Variants in ANKS1B observed in about 807,000 individuals in gnomAD.
ANKS1B encodes the protein ankyrin repeat and sterile alpha motif domain-containing protein 1B.
ANKS1B carries 36 observed loss-of-function variants against 148.3 expected under a neutral mutation model. The ratio of observed to expected loss-of-function variants is 0.24; its 90% CI spans 0.19 to 0.32. The LOEUF is 0.32. Ranked by LOEUF, ANKS1B falls within the 10% of genes least tolerant of loss-of-function variation. The pLI, the probability that ANKS1B is intolerant of heterozygous loss-of-function variation, is 1.00. For missense variants in ANKS1B, 1,157 were observed against 1,542.6 expected (o/e 0.75, Z 4.19); for synonymous variants, 542 against 560.8 (o/e 0.97, Z 0.47).
At chr12:99,468,510 A>G (rs1263599545) in intron 10 of ANKS1B, among the ~76,000 whole-genome samples, 1 of 152,164 alleles carries the variant, frequency 6.6e-6, no homozygotes, top group Non-Finnish European at 1.5e-5. Context: ...GCAACCTAAA[A>G]AATGGAAGAA....
intron 1 of ANKS1B, among the ~76,000 whole-genome samples, chr12:99,837,570 C>T (rs1337257347): frequency 6.6e-6 from 1 of 152,114 alleles, no homozygotes; most frequent in Non-Finnish European, 1.5e-5. Flanking sequence ...TTCATAACAA[C>T]CATGTGAGAC....
chr12:99,155,285 A>T (rs1327584557), intron 14 of ANKS1B, among the ~76,000 whole-genome samples: 1 of 152,128 alleles, frequency 6.6e-6, no homozygotes, highest in Non-Finnish European at 1.5e-5. Context: ...GAGAATAATT[A>T]TTCTGTTTCT....
intron 14 of ANKS1B, among the ~76,000 whole-genome samples, chr12:99,187,276 C>G (rs2079994923): frequency 6.6e-6 from 1 of 151,822 alleles, no homozygotes; most frequent in Middle Eastern, 3.2e-3. Context: ...AGGATATTAT[C>G]CAGGAGAACT....
intron 12 of ANKS1B, among the ~76,000 whole-genome samples, chr12:99,338,993 T>C (rs1172637533): frequency 2.6e-5 from 4 of 152,104 alleles, no homozygotes; most frequent in Admixed American, 6.6e-5. Flanking sequence ...TTCACTGCCT[T>C]GGGCTGGGTG....
intron 1 of ANKS1B, among the ~76,000 whole-genome samples, chr12:99,948,513 T>C (rs2095131730): frequency 6.6e-6 from 1 of 152,238 alleles, no homozygotes; most frequent in South Asian, 2.1e-4. Flanking sequence ...TTCCTCCAGA[T>C]GGTTACATCT....
At chr12:99,497,770 G>T (rs1164566870) in intron 10 of ANKS1B, among the ~76,000 whole-genome samples, 1 of 150,196 alleles carries the variant, frequency 6.7e-6, no homozygotes, top group Non-Finnish European at 1.5e-5. Flanking sequence ...TAATATGGGG[G>T]GGACACAATT....
At chr12:99,708,969 T>C (rs2056237432) in intron 8 of ANKS1B, among the ~76,000 whole-genome samples, 1 of 152,094 alleles carries the variant, frequency 6.6e-6, no homozygotes, top group Non-Finnish European at 1.5e-5. Flanking sequence ...ATACAATAAA[T>C]GTAAATTAAT....
intron 14 of ANKS1B, among the ~76,000 whole-genome samples, chr12:99,160,726 G>T (rs564855599): frequency 6.6e-6 from 1 of 152,248 alleles, no homozygotes; most frequent in Non-Finnish European, 1.5e-5. Context: ...TATGGTCAAA[G>T]GTAGGGGTCC....
intron 1 of ANKS1B, among the ~76,000 whole-genome samples, chr12:99,868,258 G>C (rs1329134779): frequency 1.3e-5 from 2 of 152,150 alleles, no homozygotes; most frequent in African/African-American, 2.4e-5. Flanking sequence ...TTCTTTATCT[G>C]AATGCTTAAA....
intron 14 of ANKS1B, among the ~76,000 whole-genome samples, chr12:99,179,701 C>G (rs2078885725): frequency 6.6e-6 from 1 of 152,028 alleles, no homozygotes; most frequent in African/African-American, 2.4e-5. Context: ...TATGAATCTC[C>G]TTTCTCATCT....
chr12:99,713,161 T>C (rs1233039113), intron 8 of ANKS1B, among the ~76,000 whole-genome samples: 1 of 152,186 alleles, frequency 6.6e-6, no homozygotes, highest in East Asian at 1.9e-4. Flanking sequence ...TTTTTATTCC[T>C]GGCTCCTATT....
intron 16 of ANKS1B, chr12:99,083,824 C>G (rs2050677908): frequency 6.6e-6 from 1 of 152,092 alleles, no homozygotes; most frequent in Admixed American, 6.6e-5. Context: ...CTTTTCCCAT[C>G]CAAGTACTAA....
At chr12:99,061,296 T>G (rs866227924) in intron 16 of ANKS1B, among the ~76,000 whole-genome samples, 2 of 152,336 alleles carry the variant, frequency 1.3e-5, no homozygotes. Flanking sequence ...TCCTATAAGC[T>G]GGAACATCAG....
chr12:99,705,512 C>A (rs1190169835), intron 8 of ANKS1B, among the ~76,000 whole-genome samples: 1 of 152,100 alleles, frequency 6.6e-6, no homozygotes, highest in African/African-American at 2.4e-5. Context: ...CTTATAGTGA[C>A]AATGGCATCT....
intron 1 of ANKS1B, among the ~76,000 whole-genome samples, chr12:99,867,839 T>G (rs896955241): frequency 6.6e-6 from 1 of 152,192 alleles, no homozygotes; most frequent in African/African-American, 2.4e-5. Context: ...AGTATTAATA[T>G]CGCAGCCTCA....
intron 8 of ANKS1B, among the ~76,000 whole-genome samples, chr12:99,730,438 T>C (rs966820098): frequency 1.3e-5 from 2 of 152,164 alleles, no homozygotes; most frequent in African/African-American, 2.4e-5. Flanking sequence ...AGATGAACAG[T>C]AGCCTCCAAC....
rs533921098 is a variant in ANKS1B, at chr12:99,063,295, T to C, written c.2626-9986A>G. ...TATTCTGGCTCCTTGTTCTAGACTC[T>C]TCTGCTCTGTCCTGCTGCTACCCAA... On this transcript the variant is annotated intron_variant, in intron 16 of 26. Transcript: ENST00000683438. 6.6e-4 allele frequency among the ~76,000 whole-genome samples: 100 copies of C among 152,314 alleles called. 2 individuals carry two copies. Among genetic ancestry groups the C allele is most frequent in the South Asian group, 1.7e-3 (8 of 4,818 alleles).
chr12:99,960,630 T>C (rs898919171), intron 1 of ANKS1B, among the ~76,000 whole-genome samples: 5 of 152,182 alleles, frequency 3.3e-5, no homozygotes, highest in African/African-American at 9.7e-5. Context: ...TCTGAATCTG[T>C]AGAAACTTGC....
intron 23 of ANKS1B, 44 bp from the exon 24 acceptor site, chr12:98,781,247 T>C: frequency 7.8e-7 from 1 of 1,287,572 alleles, no homozygotes; most frequent in Non-Finnish European, 1.1e-6. Context: ...TTGTGTTGCG[T>C]GGCAACTGAA....
Sources: gnomAD v4.1 joint callset for allele counts (sites outside exome capture counted in the v4.1 genomes callset) on GRCh38, gnomAD v4.1.1 for gene constraint, MANE v1.5 for transcripts, NCBI Gene and HGNC (gene_info 2026-07-23, HGNC 2026-07-21) for gene names.